The following GATA4 variants were observed in gnomAD, a reference collection of about 807,000 sequenced individuals.
GATA4 encodes the protein transcription factor GATA-4.
Under a neutral mutation model 37.9 loss-of-function variants are expected in GATA4, and 7 were observed. The ratio of observed to expected loss-of-function variants is 0.18; its 90% CI spans 0.11 to 0.35. GATA4 has a LOEUF of 0.35. Ranked by LOEUF, GATA4 falls within the 10% of genes least tolerant of loss-of-function variation. The pLI, the probability that GATA4 is intolerant of heterozygous loss-of-function variation, is 1.00. For synonymous variants in GATA4, 372 were observed against 292.6 expected, an observed-to-expected ratio of 1.27 and a Z score of -2.77; for missense variants, 647 against 653.0, an observed-to-expected ratio of 0.99 and a Z score of 0.10.
At position 11,680,747 on chromosome 8, in the gene GATA4, C is replaced by A. The variant is rs916543224; in HGVS notation, c.-274+3684C>A. 14 of 985,248 alleles carry A rather than the reference C, an allele frequency of 1.4e-5. No homozygotes were observed. In the Admixed American group the frequency reaches 6.8e-4, roughly 48 times the overall value. 61.0% of individuals were successfully genotyped at this position (985,248 alleles called of 1,614,324 possible). A position where few individuals can be genotyped will look rare whatever the true frequency, so the allele number is the denominator to read the frequency against. On this transcript the variant is annotated intron_variant, in intron 1 of 6. Coordinates refer to the GATA4 transcript ENST00000528712. ...GATACCCTGGGCGGCGAGGAGAGCC[C>A]GGCTTCTGCGCACCCCTCTCCAGAT... is the stretch of plus-strand genomic sequence containing the variant.
intron 2 of GATA4, among the ~76,000 whole-genome samples, chr8:11,723,154 A>G (rs1419639112): frequency 6.6e-6 from 1 of 152,034 alleles, no homozygotes; most frequent in Admixed American, 6.6e-5. Context: ...TGAAGCCAGC[A>G]TGAGCAACAT....
chr8:11,694,270 A>G (rs543187205), intron 1 of GATA4, among the ~76,000 whole-genome samples: 155 of 152,308 alleles, frequency 1.0e-3, no homozygotes, highest in African/African-American at 3.5e-3. Context: ...ATAATTCTGG[A>G]TCAGAGGGCT....
intron 1 of GATA4, chr8:11,677,186 G>C (rs573788339): frequency 6.6e-6 from 1 of 152,646 alleles, no homozygotes; most frequent in African/African-American, 2.4e-5. Flanking sequence ...AGAGGGAGGT[G>C]GGGGAGGGGA....
At chr8:11,696,478 G>A (rs1176622289) in intron 1 of GATA4, among the ~76,000 whole-genome samples, 1 of 152,078 alleles carries the variant, frequency 6.6e-6, no homozygotes, top group Non-Finnish European at 1.5e-5. Context: ...GTATTCCATT[G>A]TATGGATGTA....
At chr8:11,755,336 G>A (rs1802502732) in intron 5 of GATA4, among the ~76,000 whole-genome samples, 2 of 152,216 alleles carry the variant, frequency 1.3e-5, no homozygotes. Flanking sequence ...AGCTTTCGAA[G>A]CAGGCTCAAC....
intron 2 of GATA4, 135 bp from the exon 3 acceptor site, chr8:11,748,781 A>G (rs1335301423): frequency 3.1e-6 from 3 of 971,154 alleles, no homozygotes; most frequent in East Asian, 2.4e-5. Flanking sequence ...GAAGAGCAAG[A>G]GCAGCCCGAG....
upstream of GATA4, among the ~76,000 whole-genome samples, chr8:11,687,644 G>C (rs537956914): frequency 2.6e-5 from 4 of 152,276 alleles, no homozygotes; most frequent in Admixed American, 1.3e-4. Context: ...TAAAGCCAAA[G>C]GTCACAGTAC....
At chr8:11,745,013 C>A (rs1174460076) in intron 2 of GATA4, among the ~76,000 whole-genome samples, 2 of 152,202 alleles carry the variant, frequency 1.3e-5, no homozygotes, top group Non-Finnish European at 2.9e-5. Flanking sequence ...CCTGGGTTCC[C>A]TCCTAGCTCC....
chr8:11,713,222 A>T (rs557184727), intron 2 of GATA4, among the ~76,000 whole-genome samples: 8 of 152,350 alleles, frequency 5.3e-5, no homozygotes, highest in African/African-American at 1.7e-4. Flanking sequence ...CCTGACTGCA[A>T]TGTATGTGAA....
chr8:11,724,570 C>G (rs1229400275), intron 2 of GATA4, among the ~76,000 whole-genome samples: 1 of 152,232 alleles, frequency 6.6e-6, no homozygotes, highest in Non-Finnish European at 1.5e-5. Context: ...GAAACCCGCC[C>G]TGTGTTGCTT....
chr8:11,720,983 G>GCCAATAAATACTTCT (rs1563207794), intron 2 of GATA4, among the ~76,000 whole-genome samples: 2 of 152,178 alleles, frequency 1.3e-5, no homozygotes, highest in African/African-American at 2.4e-5. Context: ...CCATCCACCA[G>GCCAATAAATACTTCT]CCAATAAATA....
At chr8:11,714,001 C>A (rs1225008137) in intron 2 of GATA4, among the ~76,000 whole-genome samples, 3 of 152,188 alleles carry the variant, frequency 2.0e-5, no homozygotes, top group African/African-American at 7.2e-5. Context: ...ATGTACATTA[C>A]ACCTCAGTGA....
chr8:11,678,563 C>T (rs745348024), intron 1 of GATA4, among the ~76,000 whole-genome samples: 4 of 152,126 alleles, frequency 2.6e-5, no homozygotes, highest in Non-Finnish European at 4.4e-5. Flanking sequence ...CAGGGACGGG[C>T]CAATCTGAGT....
At chr8:11,706,859 A>T (rs1489147800) in intron 1 of GATA4, among the ~76,000 whole-genome samples, 2 of 152,158 alleles carry the variant, frequency 1.3e-5, no homozygotes, top group African/African-American at 4.8e-5. Context: ...ACCTGTACTT[A>T]GTAGAGTTGT....
rs892652418 is a variant in GATA4 at position 11,755,502 on chromosome 8, C to T, written c.1000+369C>T. Among the ~76,000 whole-genome samples the T allele has an allele frequency of 2.4e-4, 36 of 152,258 alleles. 1 individual carries two copies. Among genetic ancestry groups the T allele is most frequent in the Admixed American group, 1.0e-3 (16 of 15,296 alleles). ...TTCCTTTCAATTCTCTTTGGGCTAA[C>T]GGGGATCCAGGAGGGCAGGGTCCAA... On this transcript the variant is annotated intron_variant, in intron 5 of 6. Transcript: ENST00000532059.
intron 1 of GATA4, among the ~76,000 whole-genome samples, chr8:11,698,887 G>C (rs1016742537): frequency 3.3e-5 from 5 of 152,116 alleles, no homozygotes; most frequent in African/African-American, 1.2e-4. Context: ...GAAGCCACCA[G>C]GGAGATTTGT....
At chr8:11,736,444 C>T (rs1801459887) in intron 2 of GATA4, among the ~76,000 whole-genome samples, 1 of 152,238 alleles carries the variant, frequency 6.6e-6, no homozygotes, top group Non-Finnish European at 1.5e-5. Flanking sequence ...ATTGCCCCTG[C>T]CTCTGCCTTT....
chr8:11,712,190 T>G (rs998806235), intron 2 of GATA4, among the ~76,000 whole-genome samples: 1 of 152,268 alleles, frequency 6.6e-6, no homozygotes, highest in African/African-American at 2.4e-5. Context: ...CCACTCACTG[T>G]CATGTAGAGT....
rs1013763671 is a variant in GATA4 at position 11,708,976 on chromosome 8, C to A, written c.616+48C>A. 6 of 1,494,950 alleles carry A rather than the reference C, an allele frequency of 4.0e-6. No individual in the cohort carries two copies. Among genetic ancestry groups the A allele is most frequent in the East Asian group, 5.1e-5 (2 of 39,340 alleles). 92.6% of individuals were successfully genotyped at this position (1,494,950 alleles called of 1,614,324 possible). On this transcript the variant is annotated intron_variant, in intron 2 of 6. Transcript: ENST00000532059. This position sits in a 1 kb window ranked among gnomAD's most constrained non-coding sequence, Gnocchi z 6.7. Reference sequence around the variant, plus strand: ...GGGCGCGTGAGGGCCGGGGCAGGGGCCGTCTTGAGCCCTGTCGAGGGCCTC... The same window carrying A: ...GGGCGCGTGAGGGCCGGGGCAGGGGACGTCTTGAGCCCTGTCGAGGGCCTC...
Sources: allele counts gnomAD v4.1 joint callset (sites outside exome capture counted in the v4.1 genomes callset), GRCh38; gene constraint gnomAD v4.1.1; non-coding constraint Gnocchi (gnomAD v3.1); transcripts MANE v1.5; gene names NCBI Gene and HGNC (gene_info 2026-07-23, HGNC 2026-07-21).